The following PIBF1 variants were observed in gnomAD, a reference collection of about 807,000 sequenced individuals.
PIBF1 encodes progesterone immunomodulatory binding factor 1, also known as progesterone-induced-blocking factor 1.
Under a neutral mutation model 112.5 loss-of-function variants are expected in PIBF1, and 90 were observed. The observed-to-expected ratio is 0.80, with a 90% CI of 0.67 to 0.95. PIBF1 has a LOEUF of 0.95. Among genes scored for constraint, PIBF1 ranks in the 40% least tolerant of loss-of-function variants. PIBF1 has a pLI of 0.00. For synonymous variants in PIBF1, 301 were observed against 288.6 expected, an observed-to-expected ratio of 1.04 and a Z score of -0.44; for missense variants, 915 against 852.3, an observed-to-expected ratio of 1.07 and a Z score of -0.92.
intron 11 of PIBF1, among the ~76,000 whole-genome samples, chr13:72,896,191 G>A (rs2040275221): frequency 6.6e-6 from 1 of 152,154 alleles, no homozygotes; most frequent in Non-Finnish European, 1.5e-5. Context: ...GCTATACCCA[G>A]AAGAGCGACA....
At chr13:72,827,239 T>C (rs927028984) in intron 7 of PIBF1, 121 bp downstream of exon 7, 1 of 28,866 alleles carries the variant, frequency 3.5e-5, no homozygotes, top group East Asian at 7.4e-4. Context: ...AAAAGATAAA[T>C]TTTTTTTTTT....
chr13:72,985,965 A>G (rs1044960975), intron 16 of PIBF1, among the ~76,000 whole-genome samples: 1 of 152,122 alleles, frequency 6.6e-6, no homozygotes, highest in Non-Finnish European at 1.5e-5. Flanking sequence ...AGCCTGGTCA[A>G]CATAATGAGA....
chr13:72,782,908 T>TG (rs1566260541), intron 1 of PIBF1, among the ~76,000 whole-genome samples: 38 of 133,270 alleles, frequency 2.9e-4, no homozygotes, highest in African/African-American at 1.0e-3. Flanking sequence ...GTGTGTGTGT[T>TG]TGTGTTTGTG....
At chr13:72,836,122 T>C (rs539378458) in intron 9 of PIBF1, 8 of 451,518 alleles carry the variant, frequency 1.8e-5, no homozygotes, top group African/African-American at 1.6e-4. Flanking sequence ...AAAAAAGAAA[T>C]ATCATTTTTA....
chr13:72,942,168 T>C (rs1260150781), intron 14 of PIBF1, among the ~76,000 whole-genome samples: 1 of 150,736 alleles, frequency 6.6e-6, no homozygotes, highest in Non-Finnish European at 1.5e-5. Flanking sequence ...ACCTCAACAT[T>C]ATAAAGGAGG....
chr13:72,858,941 CAT>C (rs547036684), intron 10 of PIBF1, among the ~76,000 whole-genome samples: 100 of 152,162 alleles, frequency 6.6e-4, no homozygotes, highest in African/African-American at 2.3e-3. Flanking sequence ...CATTACATAA[CAT>C]ATTTTGATAA....
At chr13:73,002,376 C>T (rs2043898840) in intron 17 of PIBF1, among the ~76,000 whole-genome samples, 1 of 152,092 alleles carries the variant, frequency 6.6e-6, no homozygotes, top group South Asian at 2.1e-4. Context: ...TCAGAAACAC[C>T]CAGTTCATTC....
At chr13:72,925,887 T>C (rs1002087605) in intron 13 of PIBF1, among the ~76,000 whole-genome samples, 4 of 152,188 alleles carry the variant, frequency 2.6e-5, no homozygotes, top group Non-Finnish European at 4.4e-5. Flanking sequence ...AAAATCTTTT[T>C]ACTTTCTTAA....
intron 14 of PIBF1, among the ~76,000 whole-genome samples, chr13:72,955,782 C>T (rs908613972): frequency 1.3e-5 from 2 of 152,146 alleles, no homozygotes; most frequent in African/African-American, 4.8e-5. Flanking sequence ...CTTTCATTCC[C>T]ACTAAATTTG....
At chr13:72,960,086 T>C (rs932035863) in intron 14 of PIBF1, among the ~76,000 whole-genome samples, 2 of 152,152 alleles carry the variant, frequency 1.3e-5, no homozygotes, top group African/African-American at 4.8e-5. Flanking sequence ...CAAATGAAAA[T>C]CAACTTTGGG....
At chr13:72,996,087 CGGG>C (rs33958342) in intron 16 of PIBF1, among the ~76,000 whole-genome samples, 1 of 9,776 alleles carries the variant, frequency 1.0e-4, no homozygotes, top group Non-Finnish European at 2.0e-4. Flanking sequence ...AAAAAAAAAG[CGGG>C]GGGGGGGGGT....
intron 11 of PIBF1, among the ~76,000 whole-genome samples, chr13:72,905,727 T>C (rs1182700921): frequency 7.2e-5 from 11 of 152,182 alleles, no homozygotes; most frequent in African/African-American, 2.7e-4. Flanking sequence ...CTCCAAAAAA[T>C]TGCAACTTGC....
intron 8 of PIBF1, among the ~76,000 whole-genome samples, chr13:72,829,108 C>A (rs981416300): frequency 2.6e-5 from 4 of 152,138 alleles, no homozygotes; most frequent in African/African-American, 9.7e-5. Context: ...ATCCTTTGCC[C>A]ACTTTTTGAT....
intron 17 of PIBF1, among the ~76,000 whole-genome samples, chr13:73,010,647 A>G (rs955594319): frequency 6.6e-6 from 1 of 151,948 alleles, no homozygotes; most frequent in East Asian, 1.9e-4. Context: ...ATGTTCTTCT[A>G]TGACCAAGAA....
chr13:72,911,855 C>T (rs559481193), intron 12 of PIBF1, among the ~76,000 whole-genome samples: 1 of 152,080 alleles, frequency 6.6e-6, no homozygotes, highest in East Asian at 1.9e-4. Flanking sequence ...TCCTGTTGGG[C>T]ATAGTGACTC....
chr13:73,012,584 C>CA lies in PIBF1; in HGVS notation c.2224-3276dup, dbSNP rs1022398028. ...ACACACACACACACACCAAAAAAAA[C>CA]AAAAAAAAACAAAAAAAACACTTAG... On this transcript the variant is annotated intron_variant, in intron 17 of 17. Coordinates refer to ENST00000326291, the MANE Select transcript of PIBF1 (RefSeq NM_006346.4). Among the ~76,000 whole-genome samples, 567 of 141,486 alleles carry CA rather than the reference C, an allele frequency of 4.0e-3. 3 individuals carry two copies. Among genetic ancestry groups the CA allele is most frequent in the East Asian group, 0.018 (88 of 4,864 alleles). The allele number at this position is 141,486 out of a possible 152,430, so 92.8% of individuals were successfully genotyped here. A position where few individuals can be genotyped will look rare whatever the true frequency, so the allele number is the denominator to read the frequency against.
chr13:73,011,320 C>G lies in PIBF1; in HGVS notation c.2224-4549C>G, dbSNP rs757410935. On this transcript the variant is annotated intron_variant, in intron 17 of 17. Transcript: ENST00000326291. ...TATGGACAAGTCTGAAAGTTAAAAA[C>G]TCCAGTCATAGAAGGAACCCCCACA... Among the ~76,000 whole-genome samples the G allele has an allele frequency of 2.1e-4, 32 of 152,342 alleles. 1 individual carries two copies. Among genetic ancestry groups the G allele is most frequent in the Non-Finnish European group, 3.5e-4 (24 of 68,034 alleles).
At chr13:72,926,114 G>A (rs894926979) in intron 13 of PIBF1, among the ~76,000 whole-genome samples, 2 of 152,104 alleles carry the variant, frequency 1.3e-5, no homozygotes, top group African/African-American at 4.8e-5. Context: ...TATGAGGTAA[G>A]GGCTTTGTAC....
chr13:72,934,831 A>C (rs769241716), intron 14 of PIBF1, among the ~76,000 whole-genome samples: 1 of 152,188 alleles, frequency 6.6e-6, no homozygotes, highest in African/African-American at 2.4e-5. Flanking sequence ...ACCAAAATGA[A>C]GGTAATAAAC....
Sources: gnomAD v4.1 joint callset for allele counts (sites outside exome capture counted in the v4.1 genomes callset) on GRCh38, gnomAD v4.1.1 for gene constraint, MANE v1.5 for transcripts, NCBI Gene and HGNC (gene_info 2026-07-23, HGNC 2026-07-21) for gene names.